The following RGS9 variants were observed in gnomAD, a reference collection of about 807,000 sequenced individuals.
The protein encoded by RGS9 is regulator of G protein signaling 9.
In RGS9, 78 loss-of-function variants were observed where a neutral mutation model predicts 102.0. That is an observed-to-expected ratio of 0.76 (90% CI 0.64 to 0.92). The LOEUF (loss-of-function observed/expected upper bound fraction) is 0.92. Among genes scored for constraint, RGS9 ranks in the 40% least tolerant of loss-of-function variants. The pLI is 0.00. For missense variants in RGS9, 833 were observed against 866.1 expected, an observed-to-expected ratio of 0.96 and a Z score of 0.48; for synonymous variants, 353 against 318.6, an observed-to-expected ratio of 1.11 and a Z score of -1.15.
intron 12 of RGS9, among the ~76,000 whole-genome samples, chr17:65,194,875 G>A (rs1412607360): frequency 2.0e-5 from 3 of 152,202 alleles, no homozygotes; most frequent in Non-Finnish European, 4.4e-5. Context: ...TGACCCAGCT[G>A]GGTAAGCAGG....
rs1160643037 is a variant in RGS9 at position 65,207,930 on chromosome 17, T to C, written c.1212T>C (p.Tyr404=). 4.3e-6 allele frequency: 7 copies of C among 1,611,018 alleles called. No individual in the cohort carries two copies. The highest frequency in any genetic ancestry group is 2.7e-5 in the African/African-American group (2 of 74,848). ...HIYMLMKKDS[Y]ARYLKSPIYK... ...TTTCTTGTTCCCACTAGGATTCTTA[T>C]GCTCGCTATTTAAAATCTCCGATCT... Residue 404 remains tyrosine (Y), a synonymous_variant, in exon 16 of 19, where the codon TAT becomes TAC. Transcript: ENST00000262406.
In RGS9 at chr17:65,225,257, G is replaced by A. The variant is rs866789885; in HGVS notation, c.1663G>A (p.Glu555Lys). 1.2e-5 allele frequency: 20 copies of A among 1,608,838 alleles called. No homozygotes were observed. Among genetic ancestry groups the A allele is most frequent in the African/African-American group, 2.7e-5 (2 of 74,846 alleles). ...GGCCCCCCGTGGGCCCTCTGTCACCGAGAGCAGCGAGGCCTCCCTCGACAC... is the reference window on the plus strand; with the variant it reads ...GGCCCCCCGTGGGCCCTCTGTCACCAAGAGCAGCGAGGCCTCCCTCGACAC... ...SMAPRGPSVT[E>K]SSEASLDTSW... The change falls in exon 18 of 19, where the codon GAG becomes AAG. Residue 555 changes from glutamate to lysine, a missense_variant. Physicochemically the swap from Glu to Lys is moderately conservative, Grantham distance 56. This residue lies in a region of RGS9 where 320 missense variants were observed against 276.8 expected (regional missense o/e 1.16). Transcript: ENST00000262406.
At chr17:65,150,546 C>T (rs967055085) in intron 1 of RGS9, among the ~76,000 whole-genome samples, 8 of 152,084 alleles carry the variant, frequency 5.3e-5, no homozygotes, top group African/African-American at 2.4e-5. Context: ...CATTTGAACT[C>T]GGGAGGCGGA....
intron 9 of RGS9, chr17:65,189,056 T>C: frequency 1.7e-6 from 1 of 588,850 alleles, no homozygotes; most frequent in East Asian, 2.8e-5. Context: ...TGAGCAAAGT[T>C]ACAGTGGTAA....
At chr17:65,208,055 A>C in intron 16 of RGS9, 48 bp downstream of exon 16, 1 of 1,306,012 alleles carries the variant, frequency 7.7e-7, no homozygotes, top group Non-Finnish European at 1.1e-6. Flanking sequence ...CTTAGTTTAC[A>C]GAGAAGTGAG....
chr17:65,174,789 TCA>T (rs1207095930), intron 8 of RGS9, among the ~76,000 whole-genome samples: 3 of 152,152 alleles, frequency 2.0e-5, no homozygotes, highest in African/African-American at 7.2e-5. Flanking sequence ...TTTAATTGAC[TCA>T]CAGTTCTGCA....
At chr17:65,223,491 T>G (rs1905453484) in intron 17 of RGS9, among the ~76,000 whole-genome samples, 1 of 152,264 alleles carries the variant, frequency 6.6e-6, no homozygotes, top group Non-Finnish European at 1.5e-5. Context: ...TGGGTGCGCC[T>G]GCCCTTCCCT....
chr17:65,208,021 T>A lies in RGS9; in HGVS notation c.1289+14T>A, dbSNP rs761308251. 84 of 1,576,830 alleles carry A rather than the reference T, an allele frequency of 5.3e-5. No homozygotes were observed. In the East Asian group the frequency reaches 1.8e-3, roughly 34 times the overall value. On this transcript the variant is annotated intron_variant, in intron 16 of 18. Coordinates refer to ENST00000262406, the MANE Select transcript of RGS9 (RefSeq NM_003835.4). ...CACCAAGAAAAGGCAAGTGGAATTA[T>A]CTGTAATTGCTGGCTGCCTGCTGCT... is the stretch of plus-strand genomic sequence containing the variant.
At chr17:65,152,078 A>G (rs1290083961) in intron 1 of RGS9, among the ~76,000 whole-genome samples, 2 of 152,190 alleles carry the variant, frequency 1.3e-5, no homozygotes, top group African/African-American at 2.4e-5. Flanking sequence ...GAAACGGAGC[A>G]GGGCGTCAGG....
chr17:65,148,035 C>A (rs1306561570), intron 1 of RGS9, among the ~76,000 whole-genome samples: 1 of 152,158 alleles, frequency 6.6e-6, no homozygotes, highest in Non-Finnish European at 1.5e-5. Flanking sequence ...TCTCATTTAA[C>A]TGAAAGTTCT....
At chr17:65,161,387 G>T (rs999163246) in intron 6 of RGS9, among the ~76,000 whole-genome samples, 37 of 152,184 alleles carry the variant, frequency 2.4e-4, no homozygotes, top group Non-Finnish European at 1.6e-4. Flanking sequence ...GAGTAGCTGG[G>T]ATTACAGGCG....
intron 1 of RGS9, among the ~76,000 whole-genome samples, chr17:65,142,434 G>T (rs1910192539): frequency 6.6e-6 from 1 of 152,126 alleles, no homozygotes; most frequent in Admixed American, 6.5e-5. Flanking sequence ...TGGTGAGAGG[G>T]AATGAGTAAT....
chr17:65,162,611 C>T (rs1353692583), intron 6 of RGS9, among the ~76,000 whole-genome samples: 7 of 151,698 alleles, frequency 4.6e-5, no homozygotes, highest in South Asian at 2.1e-4. Context: ...TACAGGCACC[C>T]GCCACCACGC....
intron 1 of RGS9, among the ~76,000 whole-genome samples, chr17:65,143,831 C>A (rs1279650667): frequency 6.7e-6 from 1 of 149,834 alleles, no homozygotes; most frequent in Admixed American, 6.7e-5. Flanking sequence ...GGCAGGGTGG[C>A]ACATGCCTGT....
At chr17:65,213,749 C>T (rs1913392534) in intron 17 of RGS9, among the ~76,000 whole-genome samples, 1 of 152,134 alleles carries the variant, frequency 6.6e-6, no homozygotes, top group Non-Finnish European at 1.5e-5. Flanking sequence ...TACGGGGACT[C>T]CTTGTGTATT....
Position 65,227,532 on chromosome 17 carries a change from G to T in RGS9, c.*125G>T. ...CATTTGGGTGACATTTGAAGATTGG[G>T]GAGACAAGATGGGGTAGATTGTGGC... On this transcript the variant is annotated 3_prime_UTR_variant, in exon 19 of 19. Coordinates refer to ENST00000262406, the MANE Select transcript of RGS9 (RefSeq NM_003835.4). 7.5e-7 allele frequency: 1 copy of T among 1,335,970 alleles called. No individual in the cohort carries two copies. Among genetic ancestry groups the T allele is most frequent in the Non-Finnish European group, 1.0e-6 (1 of 961,558 alleles). The allele number at this position is 1,335,970 out of a possible 1,614,324, so 82.8% of individuals were successfully genotyped here. A position where few individuals can be genotyped will look rare whatever the true frequency, so the allele number is the denominator to read the frequency against.
intron 1 of RGS9, among the ~76,000 whole-genome samples, chr17:65,144,433 T>C (rs1164059743): frequency 6.6e-6 from 1 of 152,186 alleles, no homozygotes; most frequent in African/African-American, 2.4e-5. Flanking sequence ...ACGCCCACTG[T>C]CATGCCTCAG....
rs574696410 is a variant in RGS9 at position 65,225,239 on chromosome 17, C to T, written c.1645C>T (p.Arg549Cys). The stretch of plus-strand genomic sequence containing the variant: ...GGAGTGCAGCGGGTCCATGGCCCCC[C>T]GTGGGCCCTCTGTCACCGAGAGCAG... ...KGECSGSMAP[R>C]GPSVTESSEA... Residue 549 changes from arginine (R) to cysteine (C), a missense_variant, in exon 18 of 19, where the codon CGT becomes TGT. Coordinates refer to ENST00000262406, the MANE Select transcript of RGS9 (RefSeq NM_003835.4). 1.6e-4 allele frequency: 257 copies of T among 1,610,724 alleles called. 3 individuals are homozygous for T. In the South Asian group the frequency reaches 2.6e-3, roughly 16 times the overall value.
intron 8 of RGS9, among the ~76,000 whole-genome samples, chr17:65,174,901 A>C (rs946019161): frequency 3.9e-5 from 6 of 152,098 alleles, no homozygotes; most frequent in African/African-American, 1.4e-4. Context: ...TGAAAGAGGA[A>C]CTGTCAGACA....
Sources: allele counts gnomAD v4.1 joint callset (sites outside exome capture counted in the v4.1 genomes callset), GRCh38; gene constraint gnomAD v4.1.1; regional missense constraint gnomAD v4.1.1; transcripts MANE v1.5; gene names NCBI Gene and HGNC (gene_info 2026-07-23, HGNC 2026-07-21).